Variants in CCNJL observed in about 807,000 individuals in gnomAD.
CCNJL encodes the protein cyclin-J-like protein.
CCNJL carries 33 observed loss-of-function variants against 33.4 expected under a neutral mutation model. The observed-to-expected ratio is 0.99, with a 90% CI of 0.75 to 1.32. The LOEUF (loss-of-function observed/expected upper bound fraction) is 1.32. Ranked by LOEUF, CCNJL falls within the 40% of genes most tolerant of loss-of-function variation. CCNJL has a pLI of 0.00. For synonymous variants in CCNJL, 227 were observed against 220.9 expected (o/e 1.03, Z -0.24); for missense variants, 512 against 499.7 (o/e 1.02, Z -0.23).
intron 2 of CCNJL, among the ~76,000 whole-genome samples, chr5:160,300,433 A>C (rs1250453728): frequency 1.3e-5 from 2 of 152,222 alleles, no homozygotes; most frequent in African/African-American, 4.8e-5. Context: ...CTCTAGCACA[A>C]GCGTGTCCAA....
rs569547913 is a variant in CCNJL at position 160,258,530 on chromosome 5, C to T, written c.583+939G>A. The T allele has an allele frequency of 1.5e-5, 22 of 1,509,956 alleles. No individual in the cohort carries two copies. The South Asian group carries it at 1.7e-4, about 12-fold the overall frequency. 93.5% of individuals were successfully genotyped at this position (1,509,956 alleles called of 1,614,324 possible). The stretch of plus-strand genomic sequence containing the variant: ...GAAGAGGAAAATTTCTACCTTGAAC[C>T]GTATCTGAAAGAGGTTATTCGGGAA... On this transcript the variant is annotated intron_variant, in intron 4 of 5. Coordinates refer to ENST00000257536, the MANE Select transcript of CCNJL (RefSeq NM_001308173.3).
intron 3 of CCNJL, among the ~76,000 whole-genome samples, chr5:160,261,774 T>C (rs1199593959): frequency 6.6e-6 from 1 of 152,190 alleles, no homozygotes; most frequent in Non-Finnish European, 1.5e-5. Context: ...ACGGACTTCC[T>C]ACACTTAGAT....
intron 1 of CCNJL, among the ~76,000 whole-genome samples, chr5:160,330,531 G>T (rs1240199457): frequency 6.6e-6 from 1 of 152,114 alleles, no homozygotes; most frequent in Non-Finnish European, 1.5e-5. Context: ...CTCCATCATT[G>T]TTCCTGTAAA....
chr5:160,312,474 A>G lies in CCNJL; in HGVS notation c.-160T>C, dbSNP rs1338528782. 6.6e-6 allele frequency: 1 copy of G among 151,070 alleles called. No homozygotes were observed. The highest frequency in any genetic ancestry group is 2.4e-5 in the African/African-American group (1 of 41,036). The allele number at this position is 151,070 out of a possible 1,614,324, so 9.4% of individuals were successfully genotyped here. A position where few individuals can be genotyped will look rare whatever the true frequency, so the allele number is the denominator to read the frequency against. Reference sequence around the variant, plus strand: ...TGGACCCTCGTCCGAGGCGCTCCGCACTCCCGACGGCCGCCTCCGCAGCCC... The same window carrying G: ...TGGACCCTCGTCCGAGGCGCTCCGCGCTCCCGACGGCCGCCTCCGCAGCCC... On this transcript the variant is annotated 5_prime_UTR_variant, in exon 1 of 6. Coordinates refer to ENST00000257536, the MANE Select transcript of CCNJL (RefSeq NM_001308173.3).
intron 3 of CCNJL, among the ~76,000 whole-genome samples, chr5:160,278,260 A>G (rs1177320774): frequency 6.6e-6 from 1 of 152,022 alleles, no homozygotes; most frequent in African/African-American, 2.4e-5. Context: ...TCTGCCTCCC[A>G]AGGTGTTGGG....
intron 3 of CCNJL, among the ~76,000 whole-genome samples, chr5:160,273,413 A>G (rs1436251987): frequency 6.6e-6 from 1 of 152,164 alleles, no homozygotes; most frequent in Non-Finnish European, 1.5e-5. Context: ...ACAGCACTTC[A>G]GCTCTATTCT....
At chr5:160,262,499 G>C (rs990205604) in intron 3 of CCNJL, among the ~76,000 whole-genome samples, 1 of 152,186 alleles carries the variant, frequency 6.6e-6, no homozygotes, top group Non-Finnish European at 1.5e-5. Flanking sequence ...AAACTCGACA[G>C]GCTGCTTATT....
At position 160,311,795 on chromosome 5, in the gene CCNJL, G is replaced by GC. The variant is rs1763267906; in HGVS notation, c.66+62_66+63insG. On this transcript the variant is annotated intron_variant, in intron 2 of 5. Coordinates refer to ENST00000257536, the MANE Select transcript of CCNJL (RefSeq NM_001308173.3). ...TCCCACGCAGGCGACCTGAGAACAC[G>GC]AAGTCGAGACCGAAGGAGACTGTAC... 4 of 1,500,156 alleles carry GC rather than the reference G, an allele frequency of 2.7e-6. No homozygotes were observed. The African/African-American group carries it at 4.1e-5, about 15-fold the overall frequency. 92.9% of individuals were successfully genotyped at this position (1,500,156 alleles called of 1,614,324 possible). A position where few individuals can be genotyped will look rare whatever the true frequency, so the allele number is the denominator to read the frequency against.
intron 2 of CCNJL, among the ~76,000 whole-genome samples, chr5:160,287,664 GCC>G (rs1366904135): frequency 1.3e-5 from 2 of 152,244 alleles, no homozygotes; most frequent in Non-Finnish European, 2.9e-5. Context: ...CAGGAAGCCA[GCC>G]CCTCTGCTGA....
In CCNJL at chr5:160,280,738, C is replaced by A; in HGVS notation, c.67G>T (p.Glu23Ter). 6.3e-7 allele frequency: 1 copy of A among 1,597,210 alleles called. No homozygotes were observed. The highest frequency in any genetic ancestry group is 2.3e-5 in the East Asian group (1 of 43,888). The change falls in exon 3 of 6, where the codon GAA becomes TAA. Residue 23 changes from glutamate (E) to a stop codon, truncating the protein, a stop_gained and splice_region_variant. Transcript: ENST00000257536. LOFTEE classifies it high-confidence loss of function. Reference sequence around the variant, plus strand: ...GCTCGGAAGGTGGGCAGCTTCAGTTCCTGGAGGACAGGCGGGGCGGAGGGG... The same window carrying A: ...GCTCGGAAGGTGGGCAGCTTCAGTTACTGGAGGACAGGCGGGGCGGAGGGG... ...SDVHCTLREK[E>*]LKLPTFRAHS... is the part of the protein sequence containing the mutation.
At chr5:160,320,833 CTTTCT>C (rs1763436942) in intron 1 of CCNJL, among the ~76,000 whole-genome samples, 1 of 119,492 alleles carries the variant, frequency 8.4e-6, no homozygotes. Flanking sequence ...TTCTTTCTTT[CTTTCT>C]TTCTTTCTTT....
chr5:160,301,580 T>C (rs1017970393), intron 2 of CCNJL, among the ~76,000 whole-genome samples: 8 of 151,692 alleles, frequency 5.3e-5, no homozygotes, highest in African/African-American at 1.9e-4. Flanking sequence ...ACTACAGGCA[T>C]GTGCCACCAC....
intron 3 of CCNJL, among the ~76,000 whole-genome samples, chr5:160,267,170 C>A (rs536862864): frequency 1.0e-3 from 158 of 152,280 alleles, no homozygotes; most frequent in African/African-American, 3.5e-3. Flanking sequence ...GCACAGCAGG[C>A]ATCAAATGTG....
At chr5:160,276,064 C>T (rs574547058) in intron 3 of CCNJL, among the ~76,000 whole-genome samples, 11 of 152,298 alleles carry the variant, frequency 7.2e-5, no homozygotes, top group Non-Finnish European at 1.0e-4. Flanking sequence ...TGGATAAACA[C>T]ACTGTGGGAT....
chr5:160,292,301 T>A (rs1474653243), intron 2 of CCNJL, among the ~76,000 whole-genome samples: 1 of 152,230 alleles, frequency 6.6e-6, no homozygotes, highest in Non-Finnish European at 1.5e-5. Context: ...GATATCTCTA[T>A]ACATACAGAT....
chr5:160,280,461 A>G lies in CCNJL; in HGVS notation c.280+64T>C, dbSNP rs113612283. 39 of 1,278,830 alleles carry G rather than the reference A, an allele frequency of 3.0e-5. 1 individual carries two copies. Among genetic ancestry groups the G allele is most frequent in the African/African-American group, 1.9e-4 (13 of 68,530 alleles). 79.2% of individuals were successfully genotyped at this position (1,278,830 alleles called of 1,614,324 possible). On this transcript the variant is annotated intron_variant, in intron 3 of 5. Coordinates refer to ENST00000257536, the MANE Select transcript of CCNJL (RefSeq NM_001308173.3). ...TCAAAATGTAAAGTGATTTGGAAGC[A>G]GCCAGGCGCACTGAGCGGGAGGAGA...
upstream of CCNJL, chr5:160,312,740 C>G (rs1393965582): frequency 6.6e-6 from 1 of 152,138 alleles, no homozygotes; most frequent in East Asian, 1.9e-4. Flanking sequence ...AAGCTTCTCT[C>G]TCACCTTCGC....
intron 2 of CCNJL, among the ~76,000 whole-genome samples, chr5:160,294,222 C>T (rs375570124): frequency 2.6e-5 from 4 of 152,314 alleles, no homozygotes; most frequent in South Asian, 2.1e-4. Flanking sequence ...CCTCTCTCTG[C>T]CCCGATTGCT....
At chr5:160,311,998 G>A in intron 1 of CCNJL, 26 bp from the exon 2 acceptor site, 1 of 1,439,184 alleles carries the variant, frequency 6.9e-7, no homozygotes, top group East Asian at 2.3e-5. Context: ...CAACTTCAGC[G>A]GCCAGAGCGT....
Sources: gnomAD v4.1 joint callset for allele counts (sites outside exome capture counted in the v4.1 genomes callset) on GRCh38, gnomAD v4.1.1 for gene constraint, MANE v1.5 for transcripts, NCBI Gene and HGNC (gene_info 2026-07-23, HGNC 2026-07-21) for gene names.